Variants in PRDM2 observed in about 807,000 individuals in gnomAD.
PRDM2 encodes PR domain zinc finger protein 2.
Under a neutral mutation model 130.0 loss-of-function variants are expected in PRDM2, and 30 were observed. That is an observed-to-expected ratio of 0.23 (90% CI 0.17 to 0.31). The LOEUF (loss-of-function observed/expected upper bound fraction) is 0.31. Among genes scored for constraint, PRDM2 ranks in the 10% least tolerant of loss-of-function variants. PRDM2 has a pLI of 1.00. For synonymous variants in PRDM2, 871 were observed against 782.4 expected (o/e 1.11, Z -1.89); for missense variants, 2,011 against 2,108.4 (o/e 0.95, Z 0.90).
At chr1:13,722,697 C>A in intron 2 of PRDM2, 1 of 366,638 alleles carries the variant, frequency 2.7e-6, no homozygotes, top group Admixed American at 3.2e-5. Flanking sequence ...CACCCTCACC[C>A]ATTCCCATTC....
chr1:13,818,665 G>C (rs1402034554), intron 9 of PRDM2, among the ~76,000 whole-genome samples: 2 of 151,998 alleles, frequency 1.3e-5, no homozygotes. Flanking sequence ...GATTACAGGC[G>C]TGAGCCACCG....
chr1:13,805,923 C>T (rs1400484532), intron 8 of PRDM2, among the ~76,000 whole-genome samples: 1 of 152,068 alleles, frequency 6.6e-6, no homozygotes, highest in African/African-American at 2.4e-5. Context: ...CTCTGAAAGC[C>T]GGCAGCTCCT....
intron 9 of PRDM2, among the ~76,000 whole-genome samples, chr1:13,817,220 C>G (rs1468464932): frequency 6.6e-6 from 1 of 152,048 alleles, no homozygotes; most frequent in Non-Finnish European, 1.5e-5. Context: ...GGATGCTGAC[C>G]CAGCAAGTAT....
rs1265160676 is a variant in PRDM2 at position 13,720,477 on chromosome 1, A to G, written c.9+4863A>G. Among the ~76,000 whole-genome samples the G allele has an allele frequency of 3.9e-5, 6 of 152,156 alleles. No individual in the cohort carries two copies. In the South Asian group the frequency reaches 8.3e-4, roughly 21 times the overall value. Reference sequence around the variant, plus strand: ...AGCTCTGGGGTCGCCAGAAGGACAGAGTAGACTTTGCCAGTGAGGTGGGGA... The same window carrying G: ...AGCTCTGGGGTCGCCAGAAGGACAGGGTAGACTTTGCCAGTGAGGTGGGGA... On this transcript the variant is annotated intron_variant, in intron 2 of 9. Transcript: ENST00000311066.
chr1:13,712,107 T>G (rs1642388450), intron 1 of PRDM2, among the ~76,000 whole-genome samples: 1 of 150,598 alleles, frequency 6.6e-6, no homozygotes, highest in Non-Finnish European at 1.5e-5. Flanking sequence ...GCCTGTAGTC[T>G]TAGTTATTTA....
chr1:13,800,480 T>C (rs571243894), intron 8 of PRDM2, among the ~76,000 whole-genome samples: 9 of 152,010 alleles, frequency 5.9e-5, no homozygotes, highest in South Asian at 2.1e-4. Flanking sequence ...AGCGAAATCA[T>C]TGGAGGTGGG....
At chr1:13,752,582 A>T (rs1033319878) in intron 6 of PRDM2, among the ~76,000 whole-genome samples, 1 of 152,186 alleles carries the variant, frequency 6.6e-6, no homozygotes, top group African/African-American at 2.4e-5. Flanking sequence ...GAGAAATGAG[A>T]AATTGAATTT....
At chr1:13,741,979 G>GT (rs759849045) in intron 4 of PRDM2, 26 bp from the exon 5 acceptor site, 1 of 1,507,040 alleles carries the variant, frequency 6.6e-7, no homozygotes, top group South Asian at 1.2e-5. Flanking sequence ...TTTAACAAAA[G>GT]TTTTTTACTT....
chr1:13,759,916 G>A (rs1557627431), intron 6 of PRDM2, among the ~76,000 whole-genome samples: 1 of 152,064 alleles, frequency 6.6e-6, no homozygotes, highest in Non-Finnish European at 1.5e-5. Flanking sequence ...TTGGACCAGG[G>A]GTTTAAGATT....
intron 8 of PRDM2, among the ~76,000 whole-genome samples, chr1:13,795,566 T>G (rs566061242): frequency 6.6e-6 from 1 of 152,346 alleles, no homozygotes; most frequent in South Asian, 2.1e-4. Context: ...GAATGTGACT[T>G]GTAAGCACCT....
At chr1:13,716,417 ATG>A in intron 2 of PRDM2, among the ~76,000 whole-genome samples, 1 of 152,120 alleles carries the variant, frequency 6.6e-6, no homozygotes, top group East Asian at 1.9e-4. Flanking sequence ...AACCTGCACA[ATG>A]TGCACATGTA....
At chr1:13,811,685 G>A (rs190144070) in intron 8 of PRDM2, among the ~76,000 whole-genome samples, 7 of 152,372 alleles carry the variant, frequency 4.6e-5, no homozygotes, top group Admixed American at 4.6e-4. Context: ...AGTGTTGAAG[G>A]AGTAAGCAAC....
chr1:13,749,344 C>T lies in PRDM2; in HGVS notation c.385-17C>T, dbSNP rs1306147043. On this transcript the variant is annotated splice_polypyrimidine_tract_variant and intron_variant, in intron 5 of 9. Transcript: ENST00000311066. Reference sequence around the variant, plus strand: ...CCGCTCTGATTGGCCCGGCGCTTGTCTCTTCTCTCCCCGCAGCCAATCGCG... The same window carrying T: ...CCGCTCTGATTGGCCCGGCGCTTGTTTCTTCTCTCCCCGCAGCCAATCGCG... The T allele has an allele frequency of 5.4e-6, 8 of 1,471,018 alleles. No individual in the cohort carries two copies. The African/African-American group carries it at 7.4e-5, about 14-fold the overall frequency. 91.1% of individuals were successfully genotyped at this position (1,471,018 alleles called of 1,614,324 possible).
chr1:13,739,893 G>A (rs1643387179), intron 4 of PRDM2, among the ~76,000 whole-genome samples: 1 of 151,938 alleles, frequency 6.6e-6, no homozygotes, highest in African/African-American at 2.4e-5. Context: ...TTTTTTTTGT[G>A]TGCCCATTTA....
intron 8 of PRDM2, chr1:13,786,601 G>C: frequency 6.3e-7 from 1 of 1,594,152 alleles, no homozygotes; most frequent in Non-Finnish European, 8.5e-7. Context: ...AAGCACTACG[G>C]CAAAGGATAC....
chr1:13,806,073 A>G lies in PRDM2; in HGVS notation c.5037-10354A>G, dbSNP rs1645081508. ...GAGGAGCCATCAAACCAAGGTTATC[A>G]GCAGCCCCCAGGATGCTCAATGCAG... On this transcript the variant is annotated intron_variant, in intron 8 of 9. Coordinates refer to ENST00000311066, the MANE Select transcript of PRDM2 (RefSeq NM_001393986.1). This position sits in a 1 kb window ranked among gnomAD's most constrained non-coding sequence, Gnocchi z 4.1. Among the ~76,000 whole-genome samples the G allele has an allele frequency of 1.3e-5, 2 of 152,200 alleles. No homozygotes were observed. The highest frequency in any genetic ancestry group is 3.9e-4 in the East Asian group (2 of 5,162).
intron 1 of PRDM2, among the ~76,000 whole-genome samples, chr1:13,708,925 C>A (rs571423494): frequency 6.6e-6 from 1 of 152,276 alleles, no homozygotes; most frequent in Non-Finnish European, 1.5e-5. Context: ...TGATTTTTCA[C>A]TTTATTTAAT....
At chr1:13,760,932 C>T (rs1019538576) in intron 6 of PRDM2, among the ~76,000 whole-genome samples, 2 of 151,940 alleles carry the variant, frequency 1.3e-5, no homozygotes, top group African/African-American at 4.8e-5. Context: ...CCTTTTGCAT[C>T]GTGGAGTGAA....
Position 13,742,096 on chromosome 1 carries a change from G to A in PRDM2, c.323G>A (p.Gly108Glu), listed in dbSNP as rs763155537. 63 of 1,613,436 alleles carry A rather than the reference G, an allele frequency of 3.9e-5. No individual in the cohort carries two copies. Among genetic ancestry groups the A allele is most frequent in the Non-Finnish European group, 4.9e-5 (58 of 1,179,474 alleles). ...WLRYVNWACSGEEQNLFPLEI... is the reference protein window; with the variant it reads ...WLRYVNWACSEEEQNLFPLEI... The stretch of plus-strand genomic sequence containing the variant: ...CGATATGTGAATTGGGCTTGCTCAG[G>A]AGAAGAGCAAAATTTATTCCCACTG... Residue 108 changes from glycine (G) to glutamate (E), a missense_variant, in exon 5 of 10, where the codon GGA (glycine) becomes GAA (glutamate). Physicochemically the swap from Gly to Glu is moderately conservative, Grantham distance 98. Transcript: ENST00000311066.
Sources: allele counts gnomAD v4.1 joint callset (sites outside exome capture counted in the v4.1 genomes callset), GRCh38; gene constraint gnomAD v4.1.1; non-coding constraint Gnocchi (gnomAD v3.1); transcripts MANE v1.5; gene names NCBI Gene and HGNC (gene_info 2026-07-23, HGNC 2026-07-21).